The following PTPRD variants were observed in gnomAD, a reference collection of about 807,000 sequenced individuals.
The protein encoded by PTPRD is protein tyrosine phosphatase receptor type D.
In PTPRD, 34 loss-of-function variants were observed where a neutral mutation model predicts 214.5. The observed-to-expected ratio is 0.16, with a 90% CI of 0.12 to 0.21. PTPRD has a LOEUF of 0.21. Ranked by LOEUF, PTPRD falls within the 10% of genes least tolerant of loss-of-function variation. The pLI, the probability that PTPRD is intolerant of heterozygous loss-of-function variation, is 1.00. For synonymous variants in PTPRD, 1,128 were observed against 845.7 expected (o/e 1.33, Z -5.79); for missense variants, 2,545 against 2,398.7 (o/e 1.06, Z -1.27).
chr9:10,373,377 T>C (rs2097668462), intron 2 of PTPRD, among the ~76,000 whole-genome samples: 1 of 152,106 alleles, frequency 6.6e-6, no homozygotes, highest in African/African-American at 2.4e-5. Context: ...ACTTGGACAG[T>C]TCTTGGAATC....
intron 11 of PTPRD, among the ~76,000 whole-genome samples, chr9:8,945,243 G>A (rs1396601758): frequency 6.6e-6 from 1 of 151,852 alleles, no homozygotes; most frequent in Non-Finnish European, 1.5e-5. Context: ...GGAACTGGAA[G>A]GCATAGATAC....
intron 11 of PTPRD, among the ~76,000 whole-genome samples, chr9:8,968,913 T>C (rs59400368): frequency 0.076 from 11,510 of 152,068 alleles, 758 homozygotes; most frequent in East Asian, 0.26. Flanking sequence ...ATGGAAAAAG[T>C]TCACAAAAAT....
intron 8 of PTPRD, among the ~76,000 whole-genome samples, chr9:9,499,455 T>C (rs576820827): frequency 3.9e-5 from 6 of 152,274 alleles, no homozygotes; most frequent in South Asian, 2.1e-4. Context: ...TGGAAATCTA[T>C]TGTTATTATA....
chr9:9,636,002 T>C (rs770035883), intron 7 of PTPRD, among the ~76,000 whole-genome samples: 1 of 152,160 alleles, frequency 6.6e-6, no homozygotes, highest in Non-Finnish European at 1.5e-5. Context: ...TCTTCACTGA[T>C]ATATGTAAGG....
intron 12 of PTPRD, among the ~76,000 whole-genome samples, chr9:8,697,640 C>A (rs1597294789): frequency 6.9e-6 from 1 of 145,376 alleles, no homozygotes; most frequent in Non-Finnish European, 1.5e-5. Flanking sequence ...CCAGGCTAGT[C>A]TCGAACTCCT....
chr9:10,288,055 C>A (rs2095416885), intron 3 of PTPRD, among the ~76,000 whole-genome samples: 2 of 150,780 alleles, frequency 1.3e-5, no homozygotes, highest in Admixed American at 1.3e-4. Flanking sequence ...GAATATGAAT[C>A]AATTAAGAAT....
At chr9:9,034,860 G>C (rs2099616588) in intron 10 of PTPRD, among the ~76,000 whole-genome samples, 1 of 152,164 alleles carries the variant, frequency 6.6e-6, no homozygotes, top group African/African-American at 2.4e-5. Flanking sequence ...ATTAATAGTA[G>C]AAAATAACTT....
rs564024760 is a variant in PTPRD at position 9,400,982 on chromosome 9, G to A, written c.-236-3500C>T. On this transcript the variant is annotated intron_variant, in intron 8 of 45. Transcript: ENST00000381196. The stretch of plus-strand genomic sequence containing the variant: ...GAATGCAGGAACAGAATACTAAGTT[G>A]GATATTGTCCCAATATTGTGATCAT... 7.9e-5 allele frequency among the ~76,000 whole-genome samples: 12 copies of A among 151,950 alleles called. No individual in the cohort carries two copies. In the East Asian group the frequency reaches 2.3e-3, roughly 30 times the overall value.
chr9:10,342,855 C>T (rs2096969395), intron 2 of PTPRD, among the ~76,000 whole-genome samples: 1 of 152,160 alleles, frequency 6.6e-6, no homozygotes, highest in South Asian at 2.1e-4. Context: ...TATGTCCATC[C>T]AGAGATTAAA....
At chr9:9,210,775 T>C (rs1399098300) in intron 9 of PTPRD, among the ~76,000 whole-genome samples, 1 of 151,870 alleles carries the variant, frequency 6.6e-6, no homozygotes, top group African/African-American at 2.4e-5. Context: ...AGGCAACTAT[T>C]TTTTTTGTTG....
chr9:9,912,006 A>G (rs1027500685), intron 5 of PTPRD, among the ~76,000 whole-genome samples: 3 of 152,142 alleles, frequency 2.0e-5, no homozygotes, highest in Non-Finnish European at 4.4e-5. Flanking sequence ...TTATTTATTA[A>G]TTTGAGAATG....
chr9:10,169,966 T>C (rs2099190418), intron 3 of PTPRD, among the ~76,000 whole-genome samples: 1 of 152,122 alleles, frequency 6.6e-6, no homozygotes, highest in African/African-American at 2.4e-5. Flanking sequence ...ATAAATACAC[T>C]CAAATGATTA....
chr9:9,352,694 T>A (rs1476972524), intron 9 of PTPRD, among the ~76,000 whole-genome samples: 1 of 151,970 alleles, frequency 6.6e-6, no homozygotes, highest in Non-Finnish European at 1.5e-5. Flanking sequence ...GACGAATTAA[T>A]GATAACTATG....
chr9:9,620,925 A>G (rs943992725), intron 7 of PTPRD, among the ~76,000 whole-genome samples: 1 of 152,142 alleles, frequency 6.6e-6, no homozygotes, highest in South Asian at 2.1e-4. Context: ...TACTTGGCCA[A>G]CGAGGTAATA....
In PTPRD at chr9:8,337,334, C is replaced by A. The variant is rs190967215; in HGVS notation, c.5379+1588G>T. 5.3e-5 allele frequency among the ~76,000 whole-genome samples: 8 copies of A among 152,202 alleles called. No homozygotes were observed. The East Asian group carries it at 1.5e-3, about 29-fold the overall frequency. On this transcript the variant is annotated intron_variant, in intron 43 of 45. Transcript: ENST00000381196. ...GGACATGGATGAAGCTGGAAACCATCATTCTCAGCAAACTAACACAGGAAC... is the reference window on the plus strand; with the variant it reads ...GGACATGGATGAAGCTGGAAACCATAATTCTCAGCAAACTAACACAGGAAC...
At chr9:8,918,398 A>G (rs1018882443) in intron 11 of PTPRD, among the ~76,000 whole-genome samples, 1 of 152,166 alleles carries the variant, frequency 6.6e-6, no homozygotes, top group Non-Finnish European at 1.5e-5. Flanking sequence ...TTTTGTTAGC[A>G]TGGTGCACTG....
intron 2 of PTPRD, among the ~76,000 whole-genome samples, chr9:10,447,935 A>C (rs1243980124): frequency 6.6e-6 from 1 of 152,074 alleles, no homozygotes; most frequent in Non-Finnish European, 1.5e-5. Flanking sequence ...TATTGAGAAT[A>C]ATCATACTGT....
intron 5 of PTPRD, among the ~76,000 whole-genome samples, chr9:9,898,580 G>C (rs1024540350): frequency 6.6e-6 from 1 of 152,076 alleles, no homozygotes. Flanking sequence ...AATCCTTAGA[G>C]GTTAGAGACA....
intron 5 of PTPRD, among the ~76,000 whole-genome samples, chr9:9,844,904 C>T (rs2059125561): frequency 6.6e-6 from 1 of 150,994 alleles, no homozygotes; most frequent in Non-Finnish European, 1.5e-5. Context: ...GGCTTGTTAG[C>T]ACAGAAAACT....
Sources: allele counts gnomAD v4.1 joint callset (sites outside exome capture counted in the v4.1 genomes callset), GRCh38; gene constraint gnomAD v4.1.1; transcripts MANE v1.5; gene names NCBI Gene and HGNC (gene_info 2026-07-23, HGNC 2026-07-21).